ZNF746: variants seen among roughly 807,000 people sequenced by gnomAD.
The protein encoded by ZNF746 is parkin-interacting substrate.
A neutral mutation model predicts 41.0 loss-of-function variants in ZNF746; 13 were observed. The observed-to-expected ratio is 0.32, with a 90% CI of 0.21 to 0.50. The LOEUF is 0.50. ZNF746 is among the 20% of genes least tolerant of loss of function. ZNF746 has a pLI of 0.98. For synonymous variants in ZNF746, 424 were observed against 396.2 expected, an observed-to-expected ratio of 1.07 and a Z score of -0.83; for missense variants, 811 against 922.9, an observed-to-expected ratio of 0.88 and a Z score of 1.57.
chr7:149,478,398 A>G (rs951812875), intron 4 of ZNF746, among the ~76,000 whole-genome samples: 3 of 152,222 alleles, frequency 2.0e-5, no homozygotes, highest in Non-Finnish European at 4.4e-5. Context: ...GAAGCAGCCT[A>G]CTTGTCCAGG....
chr7:149,475,118 G>C lies in ZNF746; in HGVS notation c.1249C>G (p.Pro417Ala). The C allele has an allele frequency of 6.2e-7, 1 of 1,611,370 alleles. No individual in the cohort carries two copies. The highest frequency in any genetic ancestry group is 1.1e-5 in the South Asian group (1 of 90,724). ...LNPRTGPEGL[P>A]YSSPDNGEAI... ...TCTCCGTTGTCCGGGGAGGAGTAAG[G>C]AAGCCCCTCGGGCCCCGTCCTCGGG... Residue 417 changes from proline to alanine, a missense_variant, in exon 7 of 7, where the codon CCT becomes GCT. Coordinates refer to ENST00000458143, the MANE Select transcript of ZNF746 (RefSeq NM_001394198.1).
At chr7:149,484,454 G>T (rs573133313) in intron 4 of ZNF746, among the ~76,000 whole-genome samples, 1 of 152,256 alleles carries the variant, frequency 6.6e-6, no homozygotes, top group African/African-American at 2.4e-5. Context: ...GATACCAAAA[G>T]AAATTATATA....
In ZNF746 at chr7:149,474,971, C is replaced by T. The variant is rs576517916; in HGVS notation, c.1396G>A (p.Gly466Ser). The T allele has an allele frequency of 6.5e-6, 10 of 1,548,258 alleles. No individual in the cohort carries two copies. In the Admixed American group the frequency reaches 1.6e-4, roughly 24 times the overall value. Residue 466 changes from glycine to serine, a missense_variant, in exon 7 of 7, where the codon GGC becomes AGC. Physicochemically the swap from Gly to Ser is moderately conservative, Grantham distance 56. Transcript: ENST00000458143. This position sits in a 1 kb window ranked among gnomAD's most constrained non-coding sequence, Gnocchi z 6.3. ...LKKHPAAPPG[G>S]RPFTCATCGK... is the part of the protein sequence containing the mutation. Reference sequence around the variant, plus strand: ...CACGTGGCGCAGGTGAAGGGCCGGCCCCCGGGGGGCGCCGCGGGGTGCTTC... The same window carrying T: ...CACGTGGCGCAGGTGAAGGGCCGGCTCCCGGGGGGCGCCGCGGGGTGCTTC...
At position 149,497,277 on chromosome 7, in the gene ZNF746, C is replaced by T. The variant is rs1801037635; in HGVS notation, c.24+236G>A. The T allele has an allele frequency of 2.0e-6, 2 of 985,134 alleles. No homozygotes were observed. The highest frequency in any genetic ancestry group is 4.7e-5 in the South Asian group (1 of 21,276). 61.0% of individuals were successfully genotyped at this position (985,134 alleles called of 1,614,324 possible). On this transcript the variant is annotated intron_variant, in intron 1 of 6. Coordinates refer to ENST00000458143, the MANE Select transcript of ZNF746 (RefSeq NM_001394198.1). This position sits in a 1 kb window ranked among gnomAD's most constrained non-coding sequence, Gnocchi z 4.2. ...AGGGCCCAAAGAACTTGGCGTGGGG[C>T]GGCCCGGGGCGGGGACAACCGTTCC...
At position 149,477,612 on chromosome 7, in the gene ZNF746, T is replaced by A. The variant is rs1486363801; in HGVS notation, c.709A>T (p.Ser237Cys). The change falls in exon 5 of 7, where the codon AGC becomes TGC. Residue 237 changes from serine to cysteine, a missense_variant. This residue lies in a region of ZNF746 where 495 missense variants were observed against 481.6 expected (regional missense o/e 1.03). Transcript: ENST00000458143. ...TCTCCTGCTCCGGAATCCAGCTGGC[T>A]GAGGCCCCAGGGCTCCTCCCCAATA... Reference protein sequence around the residue: ...PDIGEEPWGLSQLDSGAGDIS... With the variant: ...PDIGEEPWGLCQLDSGAGDIS... 1 of 1,613,600 alleles carries A rather than the reference T, an allele frequency of 6.2e-7. No individual in the cohort carries two copies. Among genetic ancestry groups the A allele is most frequent in the East Asian group, 2.2e-5 (1 of 44,866 alleles).
chr7:149,490,766 A>C (rs559554753), intron 4 of ZNF746: 1 of 153,220 alleles, frequency 6.5e-6, no homozygotes, highest in South Asian at 2.1e-4. Context: ...TGCCATGGCC[A>C]AGACTGAGGG....
intron 5 of ZNF746, 127 bp from the exon 6 acceptor site, chr7:149,477,174 GACCCA>G: frequency 8.4e-7 from 1 of 1,185,884 alleles, no homozygotes; most frequent in South Asian, 1.6e-5. Flanking sequence ...TGGGCACGAG[GACCCA>G]ACCTCTCTGA....
intron 6 of ZNF746, among the ~76,000 whole-genome samples, 162 bp downstream of exon 6, chr7:149,476,760 G>T (rs557611290): frequency 1.4e-4 from 21 of 152,314 alleles, no homozygotes; most frequent in African/African-American, 3.9e-4. Context: ...ATTTGGCAAG[G>T]AGATAAATAA....
chr7:149,492,711 A>T (rs1047629731), intron 4 of ZNF746, 148 bp downstream of exon 4: 1 of 649,780 alleles, frequency 1.5e-6, no homozygotes, highest in African/African-American at 1.8e-5. Flanking sequence ...AGAGATTAAA[A>T]CTCAACTATA....
chr7:149,497,098 A>C lies in ZNF746; in HGVS notation c.24+415T>G. ...ACGTAGTGGGAGTCGGTGTATGCGG[A>C]TTCGAAGCCGGACACCTCCCAGGTG... On this transcript the variant is annotated intron_variant, in intron 1 of 6. Transcript: ENST00000458143. This position sits in a 1 kb window ranked among gnomAD's most constrained non-coding sequence, Gnocchi z 4.2. The C allele has an allele frequency of 2.0e-6, 2 of 985,262 alleles. No individual in the cohort carries two copies. Among genetic ancestry groups the C allele is most frequent in the African/African-American group, 3.5e-5 (2 of 57,310 alleles). 61.0% of individuals were successfully genotyped at this position (985,262 alleles called of 1,614,324 possible).
chr7:149,473,176 A>G lies in ZNF746; in HGVS notation c.*1208T>C, dbSNP rs1429583646. ...GTGCCCTCTGAGAGTGCACACATTA[A>G]GGAGGCTGGGGCACAGGGGAGGCGG... is the stretch of plus-strand genomic sequence containing the variant. On this transcript the variant is annotated 3_prime_UTR_variant, in exon 7 of 7. Transcript: ENST00000458143. 6.6e-6 allele frequency: 1 copy of G among 152,082 alleles called. No homozygotes were observed. The highest frequency in any genetic ancestry group is 1.9e-4 in the East Asian group (1 of 5,154). 9.4% of individuals were successfully genotyped at this position (152,082 alleles called of 1,614,324 possible). A position where few individuals can be genotyped will look rare whatever the true frequency, so the allele number is the denominator to read the frequency against.
intron 5 of ZNF746, 55 bp downstream of exon 5, chr7:149,477,509 G>T: frequency 6.5e-7 from 1 of 1,538,410 alleles, no homozygotes; most frequent in Non-Finnish European, 8.8e-7. Flanking sequence ...GCCCTCCCCT[G>T]TCCCTCCTGT....
chr7:149,475,001 G>C lies in ZNF746; in HGVS notation c.1366C>G (p.Leu456Val). ...GGGGGCGCCGCGGGGTGCTTCTTCA[G>C]CCCTGGCTTGTGGCCAAAGCCTTTG... ...RTKGFGHKPG[L>V]KKHPAAPPGG... Residue 456 changes from leucine (L) to valine (V), a missense_variant, in exon 7 of 7, where the codon CTG becomes GTG. Around this residue, in one of 4 missense-constraint regions of ZNF746, gnomAD observed 495 missense variants for 481.6 expected, o/e 1.03. Transcript: ENST00000458143. The C allele has an allele frequency of 6.5e-7, 1 of 1,550,080 alleles. No individual in the cohort carries two copies. Among genetic ancestry groups the C allele is most frequent in the African/African-American group, 1.4e-5 (1 of 73,408 alleles).
chr7:149,477,271 T>C (rs953482119), intron 5 of ZNF746, among the ~76,000 whole-genome samples: 1 of 152,074 alleles, frequency 6.6e-6, no homozygotes, highest in Admixed American at 6.5e-5. Flanking sequence ...CCCTCTCGAA[T>C]AGAGGCAGCC....
At chr7:149,492,655 T>A (rs1488289943) in intron 4 of ZNF746, among the ~76,000 whole-genome samples, 1 of 152,208 alleles carries the variant, frequency 6.6e-6, no homozygotes, top group Non-Finnish European at 1.5e-5. Context: ...GCCACCTGTT[T>A]CCCTGACAGA....
chr7:149,496,643 C>T (rs1801005847), intron 1 of ZNF746, among the ~76,000 whole-genome samples: 2 of 152,158 alleles, frequency 1.3e-5, no homozygotes, highest in South Asian at 2.1e-4. Context: ...AAAGCACCAC[C>T]GGTCTAGCTG....
At chr7:149,477,525 C>T in intron 5 of ZNF746, 39 bp downstream of exon 5, 1 of 1,561,012 alleles carries the variant, frequency 6.4e-7, no homozygotes, top group Middle Eastern at 1.7e-4. Context: ...CCTGTGATCC[C>T]TGCAACTTGT....
intron 4 of ZNF746, among the ~76,000 whole-genome samples, chr7:149,480,201 G>A (rs559507858): frequency 3.3e-5 from 5 of 152,118 alleles, no homozygotes; most frequent in East Asian, 1.9e-4. Context: ...TCACCATCTC[G>A]AGAAAATCAG....
At position 149,479,581 on chromosome 7, in the gene ZNF746, G is replaced by A. The variant is rs556337322; in HGVS notation, c.566-1826C>T. ...ATTGGGTTTATTCTGAGAGCTCAAG[G>A]ATAACACTAGAAAATATAACGAACA... is the stretch of plus-strand genomic sequence containing the variant. On this transcript the variant is annotated intron_variant, in intron 4 of 6. Transcript: ENST00000458143. Among the ~76,000 whole-genome samples the A allele has an allele frequency of 3.9e-5, 6 of 152,280 alleles. No homozygotes were observed. In the East Asian group the frequency reaches 1.2e-3, roughly 29 times the overall value.
Sources: gnomAD v4.1 joint callset for allele counts (sites outside exome capture counted in the v4.1 genomes callset) on GRCh38, gnomAD v4.1.1 for gene constraint, gnomAD v4.1.1 regional missense constraint, Gnocchi (gnomAD v3.1) non-coding constraint, MANE v1.5 for transcripts, NCBI Gene and HGNC (gene_info 2026-07-23, HGNC 2026-07-21) for gene names.